Variants in IGF1R observed in about 807,000 individuals in gnomAD.
IGF1R encodes the protein insulin-like growth factor 1 receptor.
In IGF1R, 44 loss-of-function variants were observed where a neutral mutation model predicts 144.6. The observed-to-expected ratio is 0.30, with a 90% confidence interval of 0.24 to 0.39. The LOEUF is 0.39. Ranked by LOEUF, IGF1R falls within the 10% of genes least tolerant of loss-of-function variation. The pLI is 1.00. For synonymous variants in IGF1R, 795 were observed against 722.8 expected (o/e 1.10, Z -1.60); for missense variants, 1,355 against 1,833.7 (o/e 0.74, Z 4.77).
chr15:98,664,039 C>T (rs1345346247), intron 1 of IGF1R, among the ~76,000 whole-genome samples: 2 of 152,184 alleles, frequency 1.3e-5, no homozygotes, highest in Admixed American at 6.5e-5. Context: ...TTTCACTTGA[C>T]AAATAACATT....
intron 2 of IGF1R, among the ~76,000 whole-genome samples, chr15:98,713,645 C>G (rs538749565): frequency 1.3e-5 from 2 of 152,142 alleles, no homozygotes; most frequent in Non-Finnish European, 2.9e-5. Flanking sequence ...CTGGGAGGGA[C>G]GGAGGTGAAT....
At chr15:98,693,478 G>A (rs576663613) in intron 1 of IGF1R, among the ~76,000 whole-genome samples, 40 of 152,322 alleles carry the variant, frequency 2.6e-4, no homozygotes, top group Non-Finnish European at 4.7e-4. Flanking sequence ...TGCAGAGGAC[G>A]CTGTAGACTT....
chr15:98,863,380 T>C (rs918873977), intron 2 of IGF1R, among the ~76,000 whole-genome samples: 7 of 152,202 alleles, frequency 4.6e-5, no homozygotes, highest in African/African-American at 1.4e-4. Context: ...TTAGGAAGAA[T>C]CTTTTGGAGG....
rs370105470 is a variant in IGF1R, at chr15:98,798,807, G to A, written c.640+90700G>A. ...CTCTGTGTTGGAAAGTTAGCAGAGA[G>A]CTTATATGGGGGGTGAGATGGCATA... On this transcript the variant is annotated intron_variant, in intron 2 of 20. Transcript: ENST00000650285. Among the ~76,000 whole-genome samples, 22 of 152,270 alleles carry A rather than the reference G, an allele frequency of 1.4e-4. No homozygotes were observed. The East Asian group carries it at 2.7e-3, about 19-fold the overall frequency.
chr15:98,930,970 C>T (rs2015917566), intron 15 of IGF1R, among the ~76,000 whole-genome samples: 1 of 152,200 alleles, frequency 6.6e-6, no homozygotes, highest in African/African-American at 2.4e-5. Flanking sequence ...GGGTTGGTCA[C>T]TGAGTCCAGT....
rs572942955 is a variant in IGF1R, at chr15:98,712,900, G to A, written c.640+4793G>A. On this transcript the variant is annotated intron_variant, in intron 2 of 20. Coordinates refer to ENST00000650285, the MANE Select transcript of IGF1R (RefSeq NM_000875.5). ...GCTGGGATTACAGGCATGAGCCACT[G>A]CGCCCGGCCATCTAGTGTGCACTTT... Among the ~76,000 whole-genome samples, 53 of 149,676 alleles carry A rather than the reference G, an allele frequency of 3.5e-4. 1 individual carries two copies. In the South Asian group the frequency reaches 0.011, roughly 32 times the overall value.
At chr15:98,712,799 G>A (rs921846823) in intron 2 of IGF1R, among the ~76,000 whole-genome samples, 4 of 150,976 alleles carry the variant, frequency 2.6e-5, no homozygotes, top group South Asian at 2.1e-4. Context: ...TAGTAGAGAC[G>A]GGGTTTCACC....
intron 1 of IGF1R, among the ~76,000 whole-genome samples, chr15:98,667,301 T>C (rs1036084888): frequency 1.3e-5 from 2 of 152,236 alleles, no homozygotes; most frequent in African/African-American, 4.8e-5. Context: ...CCCTCACTGA[T>C]TATGATTATA....
chr15:98,746,503 G>A (rs2054870064), intron 2 of IGF1R, among the ~76,000 whole-genome samples: 1 of 152,038 alleles, frequency 6.6e-6, no homozygotes, highest in Non-Finnish European at 1.5e-5. Flanking sequence ...ACACTGTCAG[G>A]GCGCCTCTCA....
chr15:98,671,027 C>T (rs1455091503), intron 1 of IGF1R, among the ~76,000 whole-genome samples: 1 of 152,144 alleles, frequency 6.6e-6, no homozygotes, highest in Non-Finnish European at 1.5e-5. Flanking sequence ...TCTTTTCCCT[C>T]GATCCACATA....
intron 1 of IGF1R, among the ~76,000 whole-genome samples, chr15:98,677,381 C>T (rs1208295779): frequency 2.6e-5 from 4 of 152,076 alleles, no homozygotes; most frequent in South Asian, 2.1e-4. Flanking sequence ...TTTTTTGTGC[C>T]GAGAATCATT....
At chr15:98,896,691 T>G (rs2014213928) in intron 3 of IGF1R, 66 bp from the exon 4 acceptor site, 5 of 1,503,388 alleles carry the variant, frequency 3.3e-6, no homozygotes, top group Admixed American at 1.7e-5. Flanking sequence ...ATCCTTATGG[T>G]TTTTTTAATG....
chr15:98,938,076 A>C (rs1374051614), intron 17 of IGF1R, among the ~76,000 whole-genome samples: 1 of 152,222 alleles, frequency 6.6e-6, no homozygotes, highest in African/African-American at 2.4e-5. Context: ...AATGATTCCA[A>C]ATACTAGCTT....
chr15:98,790,146 G>A (rs950587626), intron 2 of IGF1R, among the ~76,000 whole-genome samples: 3 of 152,182 alleles, frequency 2.0e-5, no homozygotes, highest in African/African-American at 7.2e-5. Flanking sequence ...GAGGAGATGG[G>A]CTTGGTCATT....
chr15:98,961,332 T>C lies in IGF1R; in HGVS notation c.*3890T>C, dbSNP rs1204243154. The C allele has an allele frequency of 4.3e-6, 1 of 233,606 alleles. No homozygotes were observed. The highest frequency in any genetic ancestry group is 8.5e-6 in the Non-Finnish European group (1 of 117,970). 14.5% of individuals were successfully genotyped at this position (233,606 alleles called of 1,614,324 possible). A position where few individuals can be genotyped will look rare whatever the true frequency, so the allele number is the denominator to read the frequency against. On this transcript the variant is annotated 3_prime_UTR_variant, in exon 21 of 21. Coordinates refer to ENST00000650285, the MANE Select transcript of IGF1R (RefSeq NM_000875.5). The stretch of plus-strand genomic sequence containing the variant: ...CTGATGTCATTTTGTTTTTGTTTTA[T>C]GTAGGTAGCTTTTAAGTAGAAAACA...
chr15:98,880,431 G>A (rs1297791799), intron 2 of IGF1R, among the ~76,000 whole-genome samples: 1 of 152,158 alleles, frequency 6.6e-6, no homozygotes, highest in Non-Finnish European at 1.5e-5. Flanking sequence ...TGGTTCCGGA[G>A]ACTTAAGTGA....
Position 98,891,569 on chromosome 15 carries a change from G to A in IGF1R, c.885G>A (p.Gly295=), listed in dbSNP as rs56303650. The A allele has an allele frequency of 2.6e-3, 4,124 of 1,608,332 alleles. 92 individuals carry two copies. In the African/African-American group the frequency reaches 0.048, roughly 19 times the overall value. Residue 295 remains glycine (G), a synonymous_variant, in exon 3 of 21, where the codon GGG becomes GGA. Transcript: ENST00000650285. The surrounding 1 kb of genome is among the most constrained non-coding windows in gnomAD (Gnocchi z 4.7). Reference sequence around the variant, plus strand: ...GCGCCGAGAGCAGCGACTCCGAGGGGTTTGTGATCCACGACGGCGAGTGCA... The same window carrying A: ...GCGCCGAGAGCAGCGACTCCGAGGGATTTGTGATCCACGACGGCGAGTGCA... ...ILSAESSDSE[G]FVIHDGECMQ...
intron 2 of IGF1R, among the ~76,000 whole-genome samples, chr15:98,769,397 C>T (rs1412852435): frequency 1.3e-5 from 2 of 152,206 alleles, no homozygotes; most frequent in Non-Finnish European, 2.9e-5. Context: ...TGTCTGCTAA[C>T]TTCCTTTTGT....
rs1168059236 is a variant in IGF1R, at chr15:98,752,930, CTATTTTTT to C, written c.640+44825_640+44832del. Among the ~76,000 whole-genome samples, 42 of 130,426 alleles carry C rather than the reference CTATTTTTT, an allele frequency of 3.2e-4. 1 individual carries two copies. Among genetic ancestry groups the C allele is most frequent in the Middle Eastern group, 4.2e-3 (1 of 238 alleles). 85.6% of individuals were successfully genotyped at this position (130,426 alleles called of 152,430 possible). A position where few individuals can be genotyped will look rare whatever the true frequency, so the allele number is the denominator to read the frequency against. ...ATATGTTTAGGGCTGGAAAATCATA[CTATTTTTT>C]TTTTTTTTTTTTTTTGAGATGGAGT... is the stretch of plus-strand genomic sequence containing the variant. On this transcript the variant is annotated intron_variant, in intron 2 of 20. Transcript: ENST00000650285.
Sources: gnomAD v4.1 joint callset for allele counts (sites outside exome capture counted in the v4.1 genomes callset) on GRCh38, gnomAD v4.1.1 for gene constraint, Gnocchi (gnomAD v3.1) non-coding constraint, MANE v1.5 for transcripts, NCBI Gene and HGNC (gene_info 2026-07-23, HGNC 2026-07-21) for gene names.